The following MAP3K9 variants were observed in gnomAD, a reference collection of about 807,000 sequenced individuals.
MAP3K9 encodes mixed lineage kinase 1 (tyr and ser/thr specificity).
In MAP3K9, 46 loss-of-function variants were observed where a neutral mutation model predicts 95.8. The observed-to-expected ratio is 0.48, with a 90% CI of 0.38 to 0.61. MAP3K9 has a LOEUF of 0.61. MAP3K9 is among the 20% of genes least tolerant of loss of function. MAP3K9 has a pLI of 0.00. For synonymous variants in MAP3K9, 533 were observed against 593.8 expected (o/e 0.90, Z 1.49); for missense variants, 1,296 against 1,474.3 (o/e 0.88, Z 1.98).
intron 2 of MAP3K9, among the ~76,000 whole-genome samples, chr14:70,793,126 C>A (rs549586141): frequency 4.6e-5 from 7 of 152,326 alleles, no homozygotes; most frequent in African/African-American, 1.4e-4. Context: ...TTGGACAGAA[C>A]AGACTGGGAG....
Position 70,733,034 on chromosome 14 carries a change from G to T in MAP3K9, c.2335C>A (p.Pro779Thr). ...LLEAGKCQLL[P>T]LEEPEPPARE... ...GCTGGTGGCTCAGGCTCCTCCAGGG[G>T]AAGCAGCTGGCACTTGCCAGCTTCC... The change falls in exon 11 of 12, where the codon CCC becomes ACC. Residue 779 changes from proline (P) to threonine (T), a missense_variant. This residue lies in a region of MAP3K9 where 433 missense variants were observed against 441.4 expected (regional missense o/e 0.98). Transcript: ENST00000554752. 6.2e-7 allele frequency: 1 copy of T among 1,614,180 alleles called. No individual in the cohort carries two copies. The highest frequency in any genetic ancestry group is 8.5e-7 in the Non-Finnish European group (1 of 1,180,038).
intron 3 of MAP3K9, among the ~76,000 whole-genome samples, chr14:70,759,801 C>G (rs1036688788): frequency 6.6e-6 from 1 of 152,226 alleles, no homozygotes. Flanking sequence ...GTCACCCAGG[C>G]TGAAGTGCAG....
At position 70,804,946 on chromosome 14, in the gene MAP3K9, C is replaced by T. The variant is rs552296692; in HGVS notation, c.406+3820G>A. Among the ~76,000 whole-genome samples, 18 of 152,282 alleles carry T rather than the reference C, an allele frequency of 1.2e-4. No homozygotes were observed. The South Asian group carries it at 3.3e-3, about 28-fold the overall frequency. On this transcript the variant is annotated intron_variant, in intron 1 of 11. Coordinates refer to ENST00000554752, the MANE Select transcript of MAP3K9 (RefSeq NM_001284230.2). Reference sequence around the variant, plus strand: ...GAAGGACCTTCTTTTTCCTTCCCTGCTCAGTCCCTGTGGATAGGAACGAAG... The same window carrying T: ...GAAGGACCTTCTTTTTCCTTCCCTGTTCAGTCCCTGTGGATAGGAACGAAG...
intron 8 of MAP3K9, 53 bp downstream of exon 8, chr14:70,738,192 A>G (rs2054011656): frequency 6.6e-7 from 1 of 1,513,536 alleles, no homozygotes; most frequent in Non-Finnish European, 8.9e-7. Context: ...CCTATGTTTA[A>G]ATGGTACATC....
At chr14:70,790,582 T>G (rs1449445570) in intron 2 of MAP3K9, among the ~76,000 whole-genome samples, 1 of 152,240 alleles carries the variant, frequency 6.6e-6, no homozygotes, top group African/African-American at 2.4e-5. Context: ...TGATATTGAT[T>G]CATAACCTTC....
chr14:70,764,457 A>T (rs1276544996), intron 2 of MAP3K9, among the ~76,000 whole-genome samples: 1 of 151,652 alleles, frequency 6.6e-6, no homozygotes, highest in African/African-American at 2.4e-5. Flanking sequence ...GTTAAAAAAA[A>T]TAATGTAGGC....
chr14:70,740,577 T>C lies in MAP3K9; in HGVS notation c.1568-413A>G, dbSNP rs553585043. Among the ~76,000 whole-genome samples, 14 of 152,366 alleles carry C rather than the reference T, an allele frequency of 9.2e-5. No homozygotes were observed. In the East Asian group the frequency reaches 2.7e-3, roughly 29 times the overall value. The stretch of plus-strand genomic sequence containing the variant: ...TTCTCAGGGACTGAAGCAGGGACAC[T>C]GATTCTTCTCACTAAGTGCAGGCAC... On this transcript the variant is annotated intron_variant, in intron 6 of 11. Coordinates refer to ENST00000554752, the MANE Select transcript of MAP3K9 (RefSeq NM_001284230.2).
At chr14:70,796,148 AC>A (rs2054862104) in intron 2 of MAP3K9, among the ~76,000 whole-genome samples, 1 of 152,130 alleles carries the variant, frequency 6.6e-6, no homozygotes, top group South Asian at 2.1e-4. Context: ...GAAGTCATCT[AC>A]CTGCCCCCAA....
chr14:70,801,911 C>G (rs2054934686), intron 1 of MAP3K9, among the ~76,000 whole-genome samples: 1 of 152,164 alleles, frequency 6.6e-6, no homozygotes, highest in Non-Finnish European at 1.5e-5. Flanking sequence ...TCCAGGGAGT[C>G]TGCTGTGGCC....
chr14:70,809,333 T>A lies in MAP3K9; in HGVS notation c.-162A>T. ...GCTGGGAGAGCCGGCTCGCCGGCGC[T>A]GTTACCGCGGTACGAGAAGAGCGCC... is the stretch of plus-strand genomic sequence containing the variant. On this transcript the variant is annotated 5_prime_UTR_variant, in exon 1 of 12. Coordinates refer to ENST00000554752, the MANE Select transcript of MAP3K9 (RefSeq NM_001284230.2). The A allele has an allele frequency of 2.2e-6, 2 of 925,822 alleles. No homozygotes were observed. Among genetic ancestry groups the A allele is most frequent in the South Asian group, 5.3e-5 (1 of 18,976 alleles). 57.4% of individuals were successfully genotyped at this position (925,822 alleles called of 1,614,324 possible). A position where few individuals can be genotyped will look rare whatever the true frequency, so the allele number is the denominator to read the frequency against.
chr14:70,747,959 T>C (rs2054171091), intron 5 of MAP3K9, among the ~76,000 whole-genome samples: 2 of 151,802 alleles, frequency 1.3e-5, no homozygotes, highest in Non-Finnish European at 2.9e-5. Context: ...ATACAAGAAA[T>C]TAGCCGGGCG....
At chr14:70,761,239 C>A in intron 2 of MAP3K9, 57 bp from the exon 3 acceptor site, 1 of 1,435,904 alleles carries the variant, frequency 7.0e-7, no homozygotes, top group Non-Finnish European at 9.5e-7. Context: ...ACAGGGAAAC[C>A]ACAGAACAGA....
At chr14:70,757,183 TC>T (rs1242802991) in intron 3 of MAP3K9, among the ~76,000 whole-genome samples, 4 of 152,040 alleles carry the variant, frequency 2.6e-5, no homozygotes, top group Admixed American at 1.3e-4. Context: ...TATTAAGATG[TC>T]AATAGGGCCA....
intron 3 of MAP3K9, among the ~76,000 whole-genome samples, chr14:70,753,164 G>A (rs530395913): frequency 4.6e-5 from 7 of 152,232 alleles, no homozygotes; most frequent in East Asian, 1.9e-4. Flanking sequence ...CAGCAATACC[G>A]ACCTTACAGA....
At chr14:70,764,463 T>C (rs1347272938) in intron 2 of MAP3K9, among the ~76,000 whole-genome samples, 1 of 151,626 alleles carries the variant, frequency 6.6e-6, no homozygotes, top group Non-Finnish European at 1.5e-5. Context: ...AAAAATAATG[T>C]AGGCTGATGT....
intron 1 of MAP3K9, among the ~76,000 whole-genome samples, chr14:70,808,535 C>T (rs2055019801): frequency 1.3e-5 from 2 of 152,264 alleles, no homozygotes; most frequent in African/African-American, 4.8e-5. Context: ...AGGTGGCCAA[C>T]TGAAGGTGAA....
Position 70,733,196 on chromosome 14 carries a change from T to G in MAP3K9, c.2173A>C (p.Asn725His), listed in dbSNP as rs770105473. Residue 725 changes from asparagine (N) to histidine (H), a missense_variant, in exon 11 of 12, where the codon AAC becomes CAC. Asn to His is a moderately conservative substitution (Grantham distance 68). This residue lies in a region of MAP3K9 where 377 missense variants were observed against 417.1 expected (regional missense o/e 0.90). Transcript: ENST00000554752. ...AGCTGAGGGGTACTCGTGGCCGAGTTGACTGGGGTGGGCTCCTCATGGATT... is the reference window on the plus strand; with the variant it reads ...AGCTGAGGGGTACTCGTGGCCGAGTGGACTGGGGTGGGCTCCTCATGGATT... ...DGIHEEPTPVNSATSTPQLTP... is the reference protein window; with the variant it reads ...DGIHEEPTPVHSATSTPQLTP... 1 of 1,610,672 alleles carries G rather than the reference T, an allele frequency of 6.2e-7. No homozygotes were observed. The highest frequency in any genetic ancestry group is 8.5e-7 in the Non-Finnish European group (1 of 1,177,610).
chr14:70,780,719 A>G (rs1486628844), intron 2 of MAP3K9, among the ~76,000 whole-genome samples: 1 of 152,208 alleles, frequency 6.6e-6, no homozygotes, highest in Non-Finnish European at 1.5e-5. Context: ...TTTCCTTACT[A>G]AAGAACATCT....
intron 5 of MAP3K9, among the ~76,000 whole-genome samples, chr14:70,748,123 G>GAAAA (rs1369749408): frequency 1.4e-5 from 2 of 145,984 alleles, no homozygotes; most frequent in Non-Finnish European, 3.0e-5. Flanking sequence ...AAAAAAAATG[G>GAAAA]TAAAAGAAAT....
Sources: gnomAD v4.1 joint callset for allele counts (sites outside exome capture counted in the v4.1 genomes callset) on GRCh38, gnomAD v4.1.1 for gene constraint, gnomAD v4.1.1 regional missense constraint, MANE v1.5 for transcripts, NCBI Gene and HGNC (gene_info 2026-07-23, HGNC 2026-07-21) for gene names.